APP: variants seen among roughly 807,000 people sequenced by gnomAD.
The protein encoded by APP is amyloid-beta precursor protein.
APP carries 31 observed loss-of-function variants against 101.4 expected under a neutral mutation model. The observed-to-expected ratio is 0.31, with a 90% CI of 0.23 to 0.41. The LOEUF is 0.41. Among genes scored for constraint, APP ranks in the 10% least tolerant of loss-of-function variants. The pLI, the probability that APP is intolerant of heterozygous loss-of-function variation, is 1.00. For synonymous variants in APP, 366 were observed against 364.4 expected, an observed-to-expected ratio of 1.00 and a Z score of -0.05; for missense variants, 839 against 1,003.7, an observed-to-expected ratio of 0.84 and a Z score of 2.22.
chr21:26,015,022 G>A (rs1458248636), intron 6 of APP, among the ~76,000 whole-genome samples: 1 of 152,112 alleles, frequency 6.6e-6, no homozygotes, highest in Non-Finnish European at 1.5e-5. Context: ...TAAAATTTAA[G>A]TGCAGATATT....
chr21:26,069,796 A>G (rs1226776306), intron 3 of APP, among the ~76,000 whole-genome samples: 2 of 152,246 alleles, frequency 1.3e-5, no homozygotes, highest in African/African-American at 2.4e-5. Flanking sequence ...ACCTCCAAGA[A>G]AAAGCAAACT....
At chr21:25,909,266 C>CAAAAAAAA (rs35504500) in intron 14 of APP, among the ~76,000 whole-genome samples, 1 of 76,222 alleles carries the variant, frequency 1.3e-5, no homozygotes. Flanking sequence ...GACTCCGTCT[C>CAAAAAAAA]AAAAAAAAAA....
At chr21:25,901,765 T>C (rs2038506226) in intron 15 of APP, among the ~76,000 whole-genome samples, 1 of 152,072 alleles carries the variant, frequency 6.6e-6, no homozygotes, top group Non-Finnish European at 1.5e-5. Flanking sequence ...TCATGATGAG[T>C]GGACAGAGCC....
At chr21:25,937,054 A>C (rs930514613) in intron 13 of APP, among the ~76,000 whole-genome samples, 1 of 152,058 alleles carries the variant, frequency 6.6e-6, no homozygotes, top group African/African-American at 2.4e-5. Flanking sequence ...CAAGTAAAGA[A>C]AAAGCTTTTC....
At chr21:26,012,029 A>C (rs1445693284) in intron 6 of APP, among the ~76,000 whole-genome samples, 1 of 149,950 alleles carries the variant, frequency 6.7e-6, no homozygotes, top group Non-Finnish European at 1.5e-5. Flanking sequence ...TTTTTTTTGG[A>C]CAGGGTCTCA....
At chr21:26,008,999 C>A (rs1278942210) in intron 6 of APP, among the ~76,000 whole-genome samples, 1 of 152,202 alleles carries the variant, frequency 6.6e-6, no homozygotes, top group Non-Finnish European at 1.5e-5. Context: ...ACCTGGGACT[C>A]AGGCCCCCCA....
chr21:26,034,501 GCATGGTGGCGGGCGCCTATAGT>G (rs2044998937), intron 5 of APP, among the ~76,000 whole-genome samples: 1 of 151,878 alleles, frequency 6.6e-6, no homozygotes, highest in African/African-American at 2.4e-5. Context: ...AAATAGCTGG[GCATGGTGGCGGGCGCCTATAGT>G]CCCAGTTACT....
intron 1 of APP, among the ~76,000 whole-genome samples, chr21:26,160,656 CA>C (rs1012284881): frequency 6.6e-6 from 1 of 150,532 alleles, no homozygotes; most frequent in African/African-American, 2.4e-5. Context: ...GTAAAATGGC[CA>C]AAAAAGGAGC....
intron 16 of APP, among the ~76,000 whole-genome samples, chr21:25,896,851 G>C (rs2038083150): frequency 6.6e-6 from 1 of 152,208 alleles, no homozygotes. Context: ...ATGGGAGGTA[G>C]GGGAGGGAAT....
chr21:25,949,782 A>G (rs1286843587), intron 13 of APP, among the ~76,000 whole-genome samples: 1 of 152,206 alleles, frequency 6.6e-6, no homozygotes, highest in South Asian at 2.1e-4. Flanking sequence ...GTGCTTTCAC[A>G]TTGAGGTTAA....
intron 3 of APP, among the ~76,000 whole-genome samples, chr21:26,079,791 C>G (rs1280736161): frequency 2.0e-5 from 3 of 152,180 alleles, no homozygotes; most frequent in Non-Finnish European, 4.4e-5. Flanking sequence ...CTGTCTTAGT[C>G]TGTTTCTCCC....
intron 16 of APP, among the ~76,000 whole-genome samples, chr21:25,892,962 CAAA>C (rs71183519): frequency 4.4e-5 from 2 of 45,432 alleles, no homozygotes. Context: ...AAAAAAAAAA[CAAA>C]AAGGTTTCTG....
At position 25,905,052 on chromosome 21, in the gene APP, A is replaced by G; in HGVS notation, c.1935T>C (p.Ala645=). 1.9e-6 allele frequency: 3 copies of G among 1,614,024 alleles called. No individual in the cohort carries two copies. The highest frequency in any genetic ancestry group is 1.7e-6 in the Non-Finnish European group (2 of 1,179,976). The part of the protein sequence containing the change: ...NEVEPVDARP[A]ADRGLTTRPG... ...GTCGAGTGGTCAGTCCTCGGTCGGC[A>G]GCAGGGCGGGCATCAACAGGCTCAA... The change falls in exon 15 of 18, where the codon GCT becomes GCC. Residue 645 remains alanine (A), a synonymous_variant. Transcript: ENST00000346798.
intron 2 of APP, among the ~76,000 whole-genome samples, chr21:26,110,450 A>AAAAAC (rs1049983072): frequency 2.0e-5 from 3 of 152,104 alleles, no homozygotes; most frequent in East Asian, 3.8e-4. Context: ...CATCTCAAAA[A>AAAAAC]AAAACAAAAC....
chr21:26,042,444 A>T (rs1450284032), intron 5 of APP, among the ~76,000 whole-genome samples: 1 of 152,228 alleles, frequency 6.6e-6, no homozygotes, highest in African/African-American at 2.4e-5. Context: ...GTATTTGTGA[A>T]ATGCACCATC....
At chr21:25,883,666 C>A (rs1449546675) in intron 17 of APP, among the ~76,000 whole-genome samples, 2 of 152,214 alleles carry the variant, frequency 1.3e-5, no homozygotes, top group Non-Finnish European at 2.9e-5. Context: ...GCACTCCGGC[C>A]TGGGCAACAG....
chr21:26,018,778 T>C (rs1468027775), intron 6 of APP, among the ~76,000 whole-genome samples: 1 of 152,246 alleles, frequency 6.6e-6, no homozygotes, highest in Non-Finnish European at 1.5e-5. Flanking sequence ...AGGTTGCTTT[T>C]GTTGCTCTTC....
At chr21:25,918,756 A>G (rs1179250139) in intron 13 of APP, among the ~76,000 whole-genome samples, 1 of 151,028 alleles carries the variant, frequency 6.6e-6, no homozygotes, top group Non-Finnish European at 1.5e-5. Context: ...GCTGATTGCT[A>G]GCACAGCAGT....
intron 14 of APP, 139 bp downstream of exon 14, chr21:25,911,601 AT>A (rs2039071542): frequency 1.4e-6 from 1 of 702,646 alleles, no homozygotes. Context: ...AAGTAAAATT[AT>A]AATGAAAATA....
Sources: allele counts gnomAD v4.1 joint callset (sites outside exome capture counted in the v4.1 genomes callset), GRCh38; gene constraint gnomAD v4.1.1; transcripts MANE v1.5; gene names NCBI Gene and HGNC (gene_info 2026-07-23, HGNC 2026-07-21).